MYO5A: variants seen among roughly 807,000 people sequenced by gnomAD.
MYO5A encodes unconventional myosin-Va.
MYO5A carries 98 observed loss-of-function variants against 249.7 expected under a neutral mutation model. The observed-to-expected ratio is 0.39, with a 90% CI of 0.33 to 0.46. MYO5A has a LOEUF of 0.46. MYO5A is among the 20% of genes least tolerant of loss of function. The pLI is 0.98. For synonymous variants in MYO5A, 778 were observed against 810.6 expected (o/e 0.96, Z 0.68); for missense variants, 1,696 against 2,308.8 (o/e 0.73, Z 5.44).
At chr15:52,431,583 G>C (rs1230870801) in intron 2 of MYO5A, among the ~76,000 whole-genome samples, 1 of 151,380 alleles carries the variant, frequency 6.6e-6, no homozygotes, top group East Asian at 1.9e-4. Context: ...CTAGTGCTCA[G>C]ATCTTGGCTG....
intron 1 of MYO5A, among the ~76,000 whole-genome samples, chr15:52,442,440 T>G (rs150267304): frequency 4.6e-5 from 7 of 152,314 alleles, no homozygotes; most frequent in African/African-American, 1.7e-4. Context: ...AAGTGTCCTG[T>G]ACCTCACTGC....
chr15:52,471,420 A>G (rs954704826), intron 1 of MYO5A, among the ~76,000 whole-genome samples: 1 of 152,124 alleles, frequency 6.6e-6, no homozygotes, highest in Non-Finnish European at 1.5e-5. Context: ...CCTCGGCAAC[A>G]TAGTGAGACT....
intron 34 of MYO5A, among the ~76,000 whole-genome samples, chr15:52,333,135 C>A (rs991728801): frequency 2.6e-5 from 4 of 152,176 alleles, no homozygotes; most frequent in African/African-American, 2.4e-5. Context: ...CCCTTCAGAA[C>A]TGTGAGAAAT....
intron 1 of MYO5A, among the ~76,000 whole-genome samples, chr15:52,478,808 T>G (rs2076654036): frequency 6.6e-6 from 1 of 152,162 alleles, no homozygotes; most frequent in African/African-American, 2.4e-5. Flanking sequence ...TTTAAGGGAA[T>G]ACTCACAACC....
intron 16 of MYO5A, among the ~76,000 whole-genome samples, chr15:52,381,127 T>C (rs543029478): frequency 6.6e-6 from 1 of 152,280 alleles, no homozygotes; most frequent in African/African-American, 2.4e-5. Context: ...CTCCTGTGAC[T>C]CCCATAGTTA....
chr15:52,507,532 T>G (rs546616177), intron 1 of MYO5A, among the ~76,000 whole-genome samples: 2 of 152,076 alleles, frequency 1.3e-5, no homozygotes, highest in African/African-American at 4.8e-5. Flanking sequence ...AAGAGTGTGA[T>G]AAGGGCCTGG....
chr15:52,525,062 C>A (rs2077706877), intron 1 of MYO5A, among the ~76,000 whole-genome samples: 1 of 152,050 alleles, frequency 6.6e-6, no homozygotes, highest in Non-Finnish European at 1.5e-5. Context: ...TGTAGAATTG[C>A]TTCTAGTTAC....
At chr15:52,451,692 G>A (rs921908209) in intron 1 of MYO5A, among the ~76,000 whole-genome samples, 10 of 152,048 alleles carry the variant, frequency 6.6e-5, no homozygotes, top group African/African-American at 2.2e-4. Context: ...ATCAAGCCTC[G>A]AGATTTTCTC....
At chr15:52,349,913 TTTATGA>T (rs3842662) in intron 28 of MYO5A, among the ~76,000 whole-genome samples, 98 of 151,360 alleles carry the variant, frequency 6.5e-4, no homozygotes, top group African/African-American at 1.5e-3. Context: ...GCTTAAGGGG[TTTATGA>T]TTATGATTAT....
chr15:52,498,422 T>C (rs2077086058), intron 1 of MYO5A, among the ~76,000 whole-genome samples: 1 of 152,202 alleles, frequency 6.6e-6, no homozygotes, highest in South Asian at 2.1e-4. Flanking sequence ...ATAGAAAGAC[T>C]GAACGAATTT....
At position 52,307,786 on chromosome 15, in the gene MYO5A, T is replaced by C. The variant is rs1054897080; in HGVS notation, c.*5910A>G. The C allele has an allele frequency of 6.6e-6, 1 of 152,154 alleles. No homozygotes were observed. The highest frequency in any genetic ancestry group is 1.5e-5 in the Non-Finnish European group (1 of 68,008). The allele number at this position is 152,154 out of a possible 1,614,324, so 9.4% of individuals were successfully genotyped here. A position where few individuals can be genotyped will look rare whatever the true frequency, so the allele number is the denominator to read the frequency against. On this transcript the variant is annotated 3_prime_UTR_variant, in exon 42 of 42. Coordinates refer to ENST00000399233, the MANE Select transcript of MYO5A (RefSeq NM_001382347.1). ...TACAGTTAATAATTAAAATACAATA[T>C]GTTAAATGGCATGAACTCATTTTTG...
chr15:52,487,854 A>G (rs1472863949), intron 1 of MYO5A, among the ~76,000 whole-genome samples: 1 of 151,964 alleles, frequency 6.6e-6, no homozygotes, highest in Non-Finnish European at 1.5e-5. Context: ...ACTACCCTCA[A>G]TCCCTACCCC....
intron 1 of MYO5A, among the ~76,000 whole-genome samples, chr15:52,454,424 T>A (rs994110418): frequency 6.6e-5 from 10 of 152,114 alleles, no homozygotes; most frequent in African/African-American, 2.4e-4. Flanking sequence ...GTCAGAGACT[T>A]CAACACCTCA....
At chr15:52,321,817 T>TA in intron 37 of MYO5A, among the ~76,000 whole-genome samples, 1 of 96,812 alleles carries the variant, frequency 1.0e-5, no homozygotes, top group Non-Finnish European at 2.1e-5. Context: ...AAAAAAAAAA[T>TA]AGAGTGTTTC....
At chr15:52,509,163 A>T (rs1289571934) in intron 1 of MYO5A, among the ~76,000 whole-genome samples, 1 of 152,042 alleles carries the variant, frequency 6.6e-6, no homozygotes, top group Non-Finnish European at 1.5e-5. Context: ...GTAGAGACGG[A>T]GTCTCACCAT....
chr15:52,521,677 T>C lies in MYO5A; in HGVS notation c.27+7103A>G, dbSNP rs138492109. 8.5e-3 allele frequency among the ~76,000 whole-genome samples: 1,297 copies of C among 152,366 alleles called. 7 individuals carry two copies. Among genetic ancestry groups the C allele is most frequent in the Admixed American group, 0.013 (198 of 15,306 alleles). On this transcript the variant is annotated intron_variant, in intron 1 of 41. Coordinates refer to ENST00000399233, the MANE Select transcript of MYO5A (RefSeq NM_001382347.1). ...ATTACATCATCCCTAAGTTCTACAA[T>C]TGGCAAAAAGCCTTTGCTGTACAAG... is the stretch of plus-strand genomic sequence containing the variant.
intron 1 of MYO5A, among the ~76,000 whole-genome samples, chr15:52,527,160 G>T (rs1055347418): frequency 1.3e-5 from 2 of 152,202 alleles, no homozygotes; most frequent in African/African-American, 4.8e-5. Flanking sequence ...AAGTGGAGGG[G>T]ATGGGCTACA....
chr15:52,484,704 G>C (rs2462857), intron 1 of MYO5A, among the ~76,000 whole-genome samples: 109,885 of 151,884 alleles, frequency 0.72, 41,871 homozygotes, highest in Non-Finnish European at 0.83. Context: ...GAGTGCAGTG[G>C]CATGATCTCG....
intron 1 of MYO5A, among the ~76,000 whole-genome samples, chr15:52,456,086 G>A (rs1458134990): frequency 1.3e-5 from 2 of 151,912 alleles, no homozygotes; most frequent in Non-Finnish European, 2.9e-5. Flanking sequence ...AAATAAAACT[G>A]TTAGAACTGA....
Sources: gnomAD v4.1 joint callset for allele counts (sites outside exome capture counted in the v4.1 genomes callset) on GRCh38, gnomAD v4.1.1 for gene constraint, MANE v1.5 for transcripts, NCBI Gene and HGNC (gene_info 2026-07-23, HGNC 2026-07-21) for gene names.